Variants in EFNA5 observed in about 807,000 individuals in gnomAD.
The protein encoded by EFNA5 is ephrin-A5.
In EFNA5, 5 loss-of-function variants were observed where a neutral mutation model predicts 22.9. The observed-to-expected ratio is 0.22, with a 90% CI of 0.11 to 0.46. The LOEUF (loss-of-function observed/expected upper bound fraction) is 0.46. Ranked by LOEUF, EFNA5 falls within the 20% of genes least tolerant of loss-of-function variation. The pLI is 0.99. For missense variants in EFNA5, 237 were observed against 293.3 expected, an observed-to-expected ratio of 0.81 and a Z score of 1.40; for synonymous variants, 113 against 112.2, an observed-to-expected ratio of 1.01 and a Z score of -0.04.
chr5:107,668,039 T>A (rs1427072127), intron 1 of EFNA5, among the ~76,000 whole-genome samples: 2 of 152,232 alleles, frequency 1.3e-5, no homozygotes, highest in African/African-American at 4.8e-5. Flanking sequence ...AACTGCCTAC[T>A]TTTAAAATAT....
chr5:107,430,740 T>C (rs1384744349), intron 1 of EFNA5, among the ~76,000 whole-genome samples: 1 of 151,640 alleles, frequency 6.6e-6, no homozygotes, highest in Non-Finnish European at 1.5e-5. Flanking sequence ...ATTTCAAACA[T>C]GCGATTGCCC....
At chr5:107,662,035 C>CT (rs1215065063) in intron 1 of EFNA5, among the ~76,000 whole-genome samples, 1 of 151,700 alleles carries the variant, frequency 6.6e-6, no homozygotes, top group Non-Finnish European at 1.5e-5. Flanking sequence ...AATGGAAACT[C>CT]TGACAGCTTG....
chr5:107,576,631 C>T (rs928769305), intron 1 of EFNA5, among the ~76,000 whole-genome samples: 1 of 152,160 alleles, frequency 6.6e-6, no homozygotes, highest in Non-Finnish European at 1.5e-5. Context: ...TTATCAATTA[C>T]CACTGCTTAT....
chr5:107,516,174 T>TTGTGTG (rs59824895), intron 1 of EFNA5, among the ~76,000 whole-genome samples: 14,728 of 139,458 alleles, frequency 0.11, 889 homozygotes, highest in East Asian at 0.18. Context: ...CTGGCTAGTT[T>TTGTGTG]TGTGTGTGTG....
chr5:107,651,804 CA>C (rs1455758103), intron 1 of EFNA5, among the ~76,000 whole-genome samples: 2 of 152,060 alleles, frequency 1.3e-5, no homozygotes, highest in African/African-American at 2.4e-5. Flanking sequence ...ACCACTTAAC[CA>C]CTTACAAATG....
intron 1 of EFNA5, among the ~76,000 whole-genome samples, chr5:107,641,194 T>G (rs1750502085): frequency 6.6e-6 from 1 of 151,742 alleles, no homozygotes; most frequent in Non-Finnish European, 1.5e-5. Flanking sequence ...CCATCTCTAC[T>G]AAAAATACAA....
chr5:107,441,333 T>TA (rs1302854100), intron 1 of EFNA5, among the ~76,000 whole-genome samples: 1 of 152,184 alleles, frequency 6.6e-6, no homozygotes, highest in African/African-American at 2.4e-5. Context: ...CAGGCTAATA[T>TA]AAAGAGTATA....
At chr5:107,556,775 A>C (rs190314965) in intron 1 of EFNA5, among the ~76,000 whole-genome samples, 1 of 113,510 alleles carries the variant, frequency 8.8e-6, no homozygotes, top group Admixed American at 8.9e-5. Context: ...TAAATAAATA[A>C]ATAAATAAAT....
chr5:107,617,237 C>CACACAGAGAG (rs1385888674), intron 1 of EFNA5, among the ~76,000 whole-genome samples: 23 of 144,458 alleles, frequency 1.6e-4, no homozygotes, highest in African/African-American at 2.3e-4. Context: ...CACACACACA[C>CACACAGAGAG]AGAGAGAGAG....
intron 1 of EFNA5, among the ~76,000 whole-genome samples, chr5:107,568,877 G>A (rs73198657): frequency 0.028 from 4,220 of 151,798 alleles, 193 homozygotes; most frequent in African/African-American, 0.094. Flanking sequence ...AATCCTTCTC[G>A]GTCTTCAGAT....
intron 1 of EFNA5, among the ~76,000 whole-genome samples, chr5:107,653,549 C>T (rs1750774081): frequency 6.6e-6 from 1 of 152,140 alleles, no homozygotes; most frequent in Non-Finnish European, 1.5e-5. Context: ...AGTTTGGAGG[C>T]ACTGTTTTAA....
At chr5:107,490,056 A>G (rs1347658423) in intron 1 of EFNA5, among the ~76,000 whole-genome samples, 1 of 152,178 alleles carries the variant, frequency 6.6e-6, no homozygotes, top group Non-Finnish European at 1.5e-5. Context: ...ACAAGATTCC[A>G]TCTTTCCTTG....
intron 1 of EFNA5, among the ~76,000 whole-genome samples, chr5:107,555,545 A>T (rs988317647): frequency 6.6e-6 from 1 of 152,236 alleles, no homozygotes; most frequent in African/African-American, 2.4e-5. Flanking sequence ...TCTGAAACTG[A>T]ATGTTAAACA....
At chr5:107,641,895 A>G (rs1750528959) in intron 1 of EFNA5, among the ~76,000 whole-genome samples, 1 of 152,140 alleles carries the variant, frequency 6.6e-6, no homozygotes, top group South Asian at 2.1e-4. Context: ...GCTGTTTCCT[A>G]TATTCCAGCT....
intron 1 of EFNA5, among the ~76,000 whole-genome samples, chr5:107,586,252 TG>T (rs1457527555): frequency 1.3e-5 from 2 of 152,172 alleles, no homozygotes; most frequent in South Asian, 2.1e-4. Flanking sequence ...ATTGCAGTAA[TG>T]GTTTTTAAAG....
intron 4 of EFNA5, among the ~76,000 whole-genome samples, chr5:107,383,668 A>C (rs555940106): frequency 1.1e-4 from 16 of 152,292 alleles, no homozygotes; most frequent in African/African-American, 3.8e-4. Context: ...TATAGCTTGC[A>C]AGTGTACTGT....
intron 1 of EFNA5, among the ~76,000 whole-genome samples, chr5:107,441,755 C>G (rs1215901201): frequency 6.6e-6 from 1 of 152,070 alleles, no homozygotes; most frequent in Non-Finnish European, 1.5e-5. Context: ...ACTAATATCT[C>G]TAAAGATGTC....
At chr5:107,656,156 T>G (rs560365857) in intron 1 of EFNA5, among the ~76,000 whole-genome samples, 1 of 152,274 alleles carries the variant, frequency 6.6e-6, no homozygotes, top group South Asian at 2.1e-4. Flanking sequence ...TCATTATAAC[T>G]ATGAAGTCCA....
At chr5:107,487,877 T>C (rs2112409452) in intron 1 of EFNA5, among the ~76,000 whole-genome samples, 1 of 152,336 alleles carries the variant, frequency 6.6e-6, no homozygotes. Flanking sequence ...TTTACAAAGA[T>C]TACTCCCTAT....
Sources: allele counts gnomAD v4.1 joint callset (sites outside exome capture counted in the v4.1 genomes callset), GRCh38; gene constraint gnomAD v4.1.1; transcripts MANE v1.5; gene names NCBI Gene and HGNC (gene_info 2026-07-23, HGNC 2026-07-21).